MAGI2: variants seen among roughly 807,000 people sequenced by gnomAD.
MAGI2 encodes membrane-associated guanylate kinase, WW and PDZ domain-containing protein 2.
A neutral mutation model predicts 133.3 loss-of-function variants in MAGI2; 35 were observed. The observed-to-expected ratio is 0.26, with a 90% CI of 0.20 to 0.35. The LOEUF (loss-of-function observed/expected upper bound fraction) is 0.35, where lower values mean the gene tolerates loss of function less well. Ranked by LOEUF, MAGI2 falls within the 10% of genes least tolerant of loss-of-function variation. The pLI is 1.00. For synonymous variants in MAGI2, 729 were observed against 710.6 expected, an observed-to-expected ratio of 1.03 and a Z score of -0.41; for missense variants, 1,636 against 1,863.4, an observed-to-expected ratio of 0.88 and a Z score of 2.25.
chr7:78,330,698 G>C (rs980660814), intron 9 of MAGI2, among the ~76,000 whole-genome samples: 3 of 151,038 alleles, frequency 2.0e-5, no homozygotes, highest in Non-Finnish European at 4.4e-5. Context: ...CATATACCTG[G>C]TTATGAACTA....
rs564609784 is a variant in MAGI2, at chr7:78,588,918, T to C, written c.538+38202A>G. 1.3e-4 allele frequency among the ~76,000 whole-genome samples: 20 copies of C among 152,190 alleles called. No homozygotes were observed. In the South Asian group the frequency reaches 3.9e-3, roughly 30 times the overall value. On this transcript the variant is annotated intron_variant, in intron 3 of 21. Coordinates refer to ENST00000354212, the MANE Select transcript of MAGI2 (RefSeq NM_012301.4). Reference sequence around the variant, plus strand: ...TATCTTCATTTTACAAATAAAGAAATAGAGGTTCAAGGGGAGAAATGACTT... The same window carrying C: ...TATCTTCATTTTACAAATAAAGAAACAGAGGTTCAAGGGGAGAAATGACTT...
chr7:78,741,417 ACACACACACAC>A (rs1166281003), intron 2 of MAGI2, among the ~76,000 whole-genome samples: 70 of 126,590 alleles, frequency 5.5e-4, no homozygotes, highest in African/African-American at 2.0e-3. Context: ...ACACACACAC[ACACACACACAC>A]GGGAGGGGGG....
intron 2 of MAGI2, among the ~76,000 whole-genome samples, chr7:78,905,817 C>T (rs1048987961): frequency 3.3e-5 from 5 of 152,000 alleles, no homozygotes; most frequent in African/African-American, 1.2e-4. Context: ...GGTAAGGGGT[C>T]ACATACCAAA....
chr7:79,035,737 T>C (rs1376471438), intron 1 of MAGI2, among the ~76,000 whole-genome samples: 1 of 152,208 alleles, frequency 6.6e-6, no homozygotes, highest in Non-Finnish European at 1.5e-5. Flanking sequence ...GACTTTTCCC[T>C]ACAAATAATA....
intron 9 of MAGI2, among the ~76,000 whole-genome samples, chr7:78,315,635 C>A (rs1787337008): frequency 6.6e-6 from 1 of 152,078 alleles, no homozygotes; most frequent in Admixed American, 6.6e-5. Context: ...TCATTCTCAG[C>A]CAATTAGATC....
chr7:79,284,036 A>G (rs1003621303), intron 1 of MAGI2, among the ~76,000 whole-genome samples: 2 of 152,100 alleles, frequency 1.3e-5, no homozygotes, highest in African/African-American at 2.4e-5. Flanking sequence ...AGGTTATATC[A>G]CATAGCCTAA....
chr7:79,376,810 G>A (rs192704177), intron 1 of MAGI2, among the ~76,000 whole-genome samples: 37 of 145,134 alleles, frequency 2.5e-4, no homozygotes, highest in Admixed American at 1.5e-3. Context: ...ACAGATAAGA[G>A]AGGATTTGTG....
At chr7:79,407,830 A>C (rs1166854388) in intron 1 of MAGI2, among the ~76,000 whole-genome samples, 1 of 152,042 alleles carries the variant, frequency 6.6e-6, no homozygotes, top group Non-Finnish European at 1.5e-5. Flanking sequence ...CACAATACCT[A>C]CAATTTTGGG....
intron 21 of MAGI2, among the ~76,000 whole-genome samples, chr7:78,044,153 C>T (rs1811152009): frequency 6.6e-6 from 1 of 152,204 alleles, no homozygotes; most frequent in Non-Finnish European, 1.5e-5. Flanking sequence ...ACTCCCCCAA[C>T]TCCAAAATTT....
chr7:78,537,105 A>C (rs1364255667), intron 3 of MAGI2, among the ~76,000 whole-genome samples: 1 of 151,742 alleles, frequency 6.6e-6, no homozygotes, highest in Non-Finnish European at 1.5e-5. Flanking sequence ...AATGGTCTCC[A>C]ACTCCATCCA....
chr7:78,027,707 G>A (rs1809093040), intron 21 of MAGI2, among the ~76,000 whole-genome samples: 2 of 151,842 alleles, frequency 1.3e-5, no homozygotes, highest in Admixed American at 6.6e-5. Context: ...TTTCTTAAGG[G>A]CAGGGATAGT....
At chr7:79,265,778 G>A (rs77230354) in intron 1 of MAGI2, among the ~76,000 whole-genome samples, 5,671 of 152,148 alleles carry the variant, frequency 0.037, 162 homozygotes, top group African/African-American at 0.072. Context: ...CAGGCGCTAA[G>A]AAGGACATTA....
At chr7:78,383,420 C>T (rs947515151) in intron 6 of MAGI2, among the ~76,000 whole-genome samples, 8 of 151,876 alleles carry the variant, frequency 5.3e-5, no homozygotes, top group Non-Finnish European at 7.4e-5. Context: ...CTTTTGAGAA[C>T]TGTCTATTCA....
chr7:78,795,216 TTTGA>T (rs1351642618), intron 2 of MAGI2, among the ~76,000 whole-genome samples: 1 of 151,898 alleles, frequency 6.6e-6, no homozygotes, highest in Non-Finnish European at 1.5e-5. Context: ...CATATGATTA[TTTGA>T]TTATTATAAT....
At chr7:78,435,730 C>T (rs748306606) in intron 6 of MAGI2, among the ~76,000 whole-genome samples, 7 of 152,244 alleles carry the variant, frequency 4.6e-5, no homozygotes, top group Non-Finnish European at 7.4e-5. Flanking sequence ...CATTCATCCC[C>T]GGACACATTA....
At chr7:78,912,160 C>T (rs1280127629) in intron 2 of MAGI2, among the ~76,000 whole-genome samples, 1 of 152,128 alleles carries the variant, frequency 6.6e-6, no homozygotes, top group African/African-American at 2.4e-5. Context: ...TTAAATTGAA[C>T]AGCTACTATG....
chr7:78,779,257 C>T (rs1396853628), intron 2 of MAGI2, among the ~76,000 whole-genome samples: 2 of 151,788 alleles, frequency 1.3e-5, no homozygotes, highest in East Asian at 1.9e-4. Flanking sequence ...TTTTTTTTTC[C>T]CCCAGGCTTG....
intron 1 of MAGI2, among the ~76,000 whole-genome samples, chr7:79,046,557 A>G (rs1465077420): frequency 6.6e-6 from 1 of 152,208 alleles, no homozygotes; most frequent in Admixed American, 6.5e-5. Flanking sequence ...AGAAAGTCTG[A>G]AAATATTCTA....
At chr7:79,011,925 CT>C (rs750748699) in intron 1 of MAGI2, among the ~76,000 whole-genome samples, 19,965 of 74,946 alleles carry the variant, frequency 0.27, 2,153 homozygotes, top group Non-Finnish European at 0.28. Flanking sequence ...TCCTTCCTTC[CT>C]TTCTTTCTTT....
Sources: allele counts gnomAD v4.1 joint callset (sites outside exome capture counted in the v4.1 genomes callset), GRCh38; gene constraint gnomAD v4.1.1; transcripts MANE v1.5; gene names NCBI Gene and HGNC (gene_info 2026-07-23, HGNC 2026-07-21).